ZNF385C: variants seen among roughly 807,000 people sequenced by gnomAD.
ZNF385C encodes CTD-2132N18.2.
In ZNF385C, 28 loss-of-function variants were observed where a neutral mutation model predicts 35.4. The observed-to-expected ratio is 0.79, with a 90% CI of 0.59 to 1.08. The LOEUF (loss-of-function observed/expected upper bound fraction) is 1.08. ZNF385C is among the 50% of genes least tolerant of loss of function. The pLI is 0.00. For missense variants in ZNF385C, 605 were observed against 595.6 expected (o/e 1.02, Z -0.16); for synonymous variants, 248 against 248.2 (o/e 1.00, Z 0.01).
intron 1 of ZNF385C, among the ~76,000 whole-genome samples, chr17:42,077,593 C>T (rs1295381892): frequency 2.0e-5 from 3 of 152,096 alleles, no homozygotes; most frequent in African/African-American, 2.4e-5. Context: ...AAGAATTGTT[C>T]ATAATAATAA....
At chr17:42,038,003 C>T (rs782800149) in intron 2 of ZNF385C, 118 bp from the exon 3 acceptor site, 8 of 1,537,486 alleles carry the variant, frequency 5.2e-6, no homozygotes, top group Non-Finnish European at 7.0e-6. Context: ...TCTCTCTTCA[C>T]AGAGTGGCAC....
At chr17:42,079,382 CA>C (rs571676432) in intron 1 of ZNF385C, among the ~76,000 whole-genome samples, 10,331 of 74,084 alleles carry the variant, frequency 0.14, 524 homozygotes, top group African/African-American at 0.26. Flanking sequence ...GACTCTGTCT[CA>C]AAAAAAAAAA....
At chr17:42,075,688 G>T (rs2053677243) in intron 1 of ZNF385C, among the ~76,000 whole-genome samples, 1 of 152,028 alleles carries the variant, frequency 6.6e-6, no homozygotes, top group South Asian at 2.1e-4. Context: ...TAGAGACAGG[G>T]TTTCACCGTG....
chr17:42,032,994 G>T (rs1396402928), intron 4 of ZNF385C, among the ~76,000 whole-genome samples: 1 of 152,132 alleles, frequency 6.6e-6, no homozygotes, highest in Non-Finnish European at 1.5e-5. Context: ...AAAGTGCTGG[G>T]ATTACAGGCA....
intron 2 of ZNF385C, among the ~76,000 whole-genome samples, chr17:42,055,349 C>G (rs1250379156): frequency 6.6e-6 from 1 of 151,972 alleles, no homozygotes; most frequent in Non-Finnish European, 1.5e-5. Context: ...GGGATCTGAG[C>G]TAAGCCCCCT....
chr17:42,028,211 C>T lies in ZNF385C; in HGVS notation c.1003G>A (p.Gly335Arg), dbSNP rs782167227. ...CGGCCCCGGCTCCTCCGGGGAGCCC[C>T]TCGCTGACCTTCCATCATCCACCGG... ...KHRWMMEGQR[G>R]APRRSRGRPV... The change falls in exon 7 of 9, where the codon GGG becomes AGG. Residue 335 changes from glycine to arginine, a missense_variant. By Grantham distance (125) the Gly-to-Arg change is moderately radical. Transcript: ENST00000692273. 7.7e-6 allele frequency: 12 copies of T among 1,554,648 alleles called. No individual in the cohort carries two copies. Among genetic ancestry groups the T allele is most frequent in the Non-Finnish European group, 1.0e-5 (12 of 1,153,166 alleles).
chr17:42,052,650 C>G (rs972017985), intron 2 of ZNF385C, among the ~76,000 whole-genome samples: 1 of 152,242 alleles, frequency 6.6e-6, no homozygotes, highest in East Asian at 1.9e-4. Context: ...TGCACATGAA[C>G]GTACAGACTC....
rs1438943774 is a variant in ZNF385C, at chr17:42,031,728, G to A, written c.567C>T (p.Val189=). 7.1e-6 allele frequency: 11 copies of A among 1,550,684 alleles called. No homozygotes were observed. Among genetic ancestry groups the A allele is most frequent in the African/African-American group, 4.1e-5 (3 of 73,014 alleles). The change falls in exon 5 of 9, where the codon GTC becomes GTT. Residue 189 remains valine, a synonymous_variant. Transcript: ENST00000692273. ...GCCTCTGCTTGCTCTTGGCAGCCTC[G>A]ACAGCCTTGAGTTTTCTGGCGTGTT... is the stretch of plus-strand genomic sequence containing the variant. The part of the protein sequence containing the change: ...GHKHARKLKA[V]EAAKSKQRPH...
At position 42,076,144 on chromosome 17, in the gene ZNF385C, C is replaced by T. The variant is rs532051508; in HGVS notation, c.-2-13086G>A. Among the ~76,000 whole-genome samples, 5 of 152,268 alleles carry T rather than the reference C, an allele frequency of 3.3e-5. No individual in the cohort carries two copies. The South Asian group carries it at 6.2e-4, about 19-fold the overall frequency. ...GCCAGCTTAGTGCCACCCACAAAGA[C>T]GTGGCTTCACCTAGATACCTAGGAA... On this transcript the variant is annotated intron_variant, in intron 1 of 8. Transcript: ENST00000692273.
intron 2 of ZNF385C, chr17:42,042,776 G>T: frequency 8.3e-7 from 1 of 1,202,894 alleles, no homozygotes; most frequent in Non-Finnish European, 1.0e-6. Context: ...GCTGTTCCCA[G>T]GTGGCTCAGT....
At chr17:42,039,401 G>A in intron 2 of ZNF385C, 1 of 301,298 alleles carries the variant, frequency 3.3e-6, no homozygotes, top group Middle Eastern at 8.8e-4. Context: ...CTTGCCCCGA[G>A]TCCAGAAGGG....
At chr17:42,087,913 T>C (rs1488406342) in intron 1 of ZNF385C, among the ~76,000 whole-genome samples, 2 of 152,224 alleles carry the variant, frequency 1.3e-5, no homozygotes, top group African/African-American at 4.8e-5. Context: ...CCACTACCTA[T>C]ATATAAACTA....
chr17:42,048,581 C>T (rs1158447791), intron 2 of ZNF385C, among the ~76,000 whole-genome samples: 1 of 152,060 alleles, frequency 6.6e-6, no homozygotes, highest in African/African-American at 2.4e-5. Flanking sequence ...TGCCCCTCTC[C>T]CAATCATCCC....
chr17:42,040,684 C>T (rs2052997150), intron 2 of ZNF385C: 3 of 1,232,114 alleles, frequency 2.4e-6, no homozygotes, highest in South Asian at 8.2e-5. Flanking sequence ...GGGCACTGGC[C>T]GAGGCCCTGC....
Position 42,098,454 on chromosome 17 carries a change from T to C in ZNF385C, c.-47A>G, listed in dbSNP as rs1174453981. On this transcript the variant is annotated 5_prime_UTR_variant, in exon 1 of 9. Coordinates refer to ENST00000692273, the MANE Select transcript of ZNF385C (RefSeq NM_001392013.1). ...CCCGCCGCGGCCACCTGCTCTCGCCTGGCTGGGAACGCTGCGTGTGGGGCT... is the reference window on the plus strand; with the variant it reads ...CCCGCCGCGGCCACCTGCTCTCGCCCGGCTGGGAACGCTGCGTGTGGGGCT... 1 of 141,328 alleles carries C rather than the reference T, an allele frequency of 7.1e-6. No individual in the cohort carries two copies. The highest frequency in any genetic ancestry group is 6.9e-5 in the Admixed American group (1 of 14,416). 8.8% of individuals were successfully genotyped at this position (141,328 alleles called of 1,614,324 possible).
chr17:42,055,238 G>T (rs185760587), intron 2 of ZNF385C, among the ~76,000 whole-genome samples: 285 of 152,294 alleles, frequency 1.9e-3, no homozygotes, highest in African/African-American at 6.1e-3. Flanking sequence ...AGGGGCTCTG[G>T]GGGGAGGAGT....
At chr17:42,035,857 A>T (rs782014804) in intron 3 of ZNF385C, among the ~76,000 whole-genome samples, 4 of 151,894 alleles carry the variant, frequency 2.6e-5, no homozygotes, top group Non-Finnish European at 4.4e-5. Context: ...CCCAGCCATG[A>T]CGACCTCTCT....
chr17:42,044,307 C>CA lies in ZNF385C; in HGVS notation c.251-6423dup, dbSNP rs57246793. ...TGGGTAATAGAGCTAGACCCTGTCT[C>CA]AAAAAAAAAAAAAAAAAAAAAAAAG... On this transcript the variant is annotated intron_variant, in intron 2 of 8. Transcript: ENST00000692273. Among the ~76,000 whole-genome samples the CA allele has an allele frequency of 8.9e-4, 63 of 70,498 alleles. 1 individual carries two copies. Among genetic ancestry groups the CA allele is most frequent in the African/African-American group, 2.6e-3 (43 of 16,616 alleles). The allele number at this position is 70,498 out of a possible 152,430, so 46.2% of individuals were successfully genotyped here. A position where few individuals can be genotyped will look rare whatever the true frequency, so the allele number is the denominator to read the frequency against.
Position 42,095,828 on chromosome 17 carries a change from A to G in ZNF385C, c.-3+2582T>C, listed in dbSNP as rs2053911796. Among the ~76,000 whole-genome samples, 1 of 152,176 alleles carries G rather than the reference A, an allele frequency of 6.6e-6. No homozygotes were observed. ...AAGGAATTAACCAAATGGCAGCTGA[A>G]GTCACAGGCCCAGCCAGGCCCACCT... is the stretch of plus-strand genomic sequence containing the variant. On this transcript the variant is annotated intron_variant, in intron 1 of 8. Coordinates refer to ENST00000692273, the MANE Select transcript of ZNF385C (RefSeq NM_001392013.1). This position sits in a 1 kb window ranked among gnomAD's most constrained non-coding sequence, Gnocchi z 4.4.
Sources: gnomAD v4.1 joint callset for allele counts (sites outside exome capture counted in the v4.1 genomes callset) on GRCh38, gnomAD v4.1.1 for gene constraint, Gnocchi (gnomAD v3.1) non-coding constraint, MANE v1.5 for transcripts, NCBI Gene and HGNC (gene_info 2026-07-23, HGNC 2026-07-21) for gene names.